The following USP6 variants were observed in gnomAD, a reference collection of about 807,000 sequenced individuals.
The protein encoded by USP6 is ubiquitin carboxyl-terminal hydrolase 6.
USP6 carries 128 observed loss-of-function variants against 175.7 expected under a neutral mutation model. The ratio of observed to expected loss-of-function variants is 0.73; its 90% CI spans 0.63 to 0.84. USP6 has a LOEUF of 0.84. USP6 is among the 40% of genes least tolerant of loss of function. USP6 has a pLI of 0.00. For synonymous variants in USP6, 562 were observed against 630.6 expected (o/e 0.89, Z 1.63); for missense variants, 1,498 against 1,760.3 (o/e 0.85, Z 2.67).
chr17:5,123,743 A>C (rs1176029241), intron 4 of USP6, among the ~76,000 whole-genome samples: 2 of 152,162 alleles, frequency 1.3e-5, no homozygotes, highest in East Asian at 3.9e-4. Context: ...AGGACAATGC[A>C]AGTGCACGCA....
intron 5 of USP6, among the ~76,000 whole-genome samples, 155 bp from the exon 6 acceptor site, chr17:5,125,666 A>ACACT (rs1361129149): frequency 7.4e-6 from 1 of 134,692 alleles, no homozygotes; most frequent in Admixed American, 8.3e-5. Flanking sequence ...AAACACGCAC[A>ACACT]CACACGCACA....
chr17:5,116,423 T>G lies in USP6; in HGVS notation c.-2245T>G, dbSNP rs906553186. The G allele has an allele frequency of 6.7e-6, 1 of 149,342 alleles. No individual in the cohort carries two copies. The highest frequency in any genetic ancestry group is 2.4e-5 in the African/African-American group (1 of 41,216). The allele number at this position is 149,342 out of a possible 1,614,324, so 9.3% of individuals were successfully genotyped here. A position where few individuals can be genotyped will look rare whatever the true frequency, so the allele number is the denominator to read the frequency against. On this transcript the variant is annotated 5_prime_UTR_variant, in exon 1 of 38. Coordinates refer to ENST00000574788, the MANE Select transcript of USP6 (RefSeq NM_001304284.2). ...AGCCGCTGGGGGAGAGGGGAAACAC[T>G]TCTGGCCCATGTGAGCCGCCGTCTC...
intron 17 of USP6, 85 bp downstream of exon 17, chr17:5,136,013 G>C (rs1470990187): frequency 1.3e-6 from 2 of 1,588,468 alleles, no homozygotes. Flanking sequence ...TTCAGCCAAG[G>C]CACACTCCTT....
At chr17:5,117,019 G>A (rs2072553154) in intron 1 of USP6, among the ~76,000 whole-genome samples, 1 of 152,126 alleles carries the variant, frequency 6.6e-6, no homozygotes, top group Non-Finnish European at 1.5e-5. Flanking sequence ...AGGAAGGAAA[G>A]GTAAGTACTT....
Position 5,144,871 on chromosome 17 carries a change from A to G in USP6, c.1992+8A>G. 1 of 1,585,056 alleles carries G rather than the reference A, an allele frequency of 6.3e-7. No homozygotes were observed. The highest frequency in any genetic ancestry group is 8.6e-7 in the Non-Finnish European group (1 of 1,160,576). ...TGGGAAGTAGCTGCAGAGGTTTGTC[A>G]GTTTTGAGTTTCTAATGTAAGCAAT... On this transcript the variant is annotated splice_region_variant and intron_variant, in intron 26 of 37. Coordinates refer to ENST00000574788, the MANE Select transcript of USP6 (RefSeq NM_001304284.2).
chr17:5,119,264 T>C (rs2072599025), intron 2 of USP6, among the ~76,000 whole-genome samples: 1 of 152,232 alleles, frequency 6.6e-6, no homozygotes, highest in Non-Finnish European at 1.5e-5. Flanking sequence ...TTTAGGCTCT[T>C]TTCTCAAAGT....
intron 6 of USP6, among the ~76,000 whole-genome samples, chr17:5,127,162 T>C (rs1364427069): frequency 4.3e-5 from 6 of 141,056 alleles, no homozygotes; most frequent in Non-Finnish European, 9.3e-5. Context: ...CCTCCACCCC[T>C]AGGCTGTCCA....
At chr17:5,157,756 G>A (rs534464487) in intron 31 of USP6, among the ~76,000 whole-genome samples, 3 of 152,168 alleles carry the variant, frequency 2.0e-5, no homozygotes, top group Admixed American at 6.6e-5. Context: ...TCAGCCTCCC[G>A]AGTAGCTGGG....
At chr17:5,138,934 C>T (rs1342716068) in intron 21 of USP6, 2 of 1,289,244 alleles carry the variant, frequency 1.6e-6, no homozygotes, top group Non-Finnish European at 2.1e-6. Context: ...ATCCAAGGCC[C>T]CTCCCACTTG....
intron 13 of USP6, 62 bp downstream of exon 13, chr17:5,133,052 A>G: frequency 1.3e-6 from 2 of 1,572,594 alleles, no homozygotes; most frequent in Non-Finnish European, 1.7e-6. Flanking sequence ...ACAGGCACCC[A>G]TGGCTGTGGC....
chr17:5,144,929 C>G lies in USP6; in HGVS notation c.1992+66C>G, dbSNP rs574729625. 31 of 1,499,770 alleles carry G rather than the reference C, an allele frequency of 2.1e-5. No homozygotes were observed. The South Asian group carries it at 4.1e-4, about 20-fold the overall frequency. The allele number at this position is 1,499,770 out of a possible 1,614,324, so 92.9% of individuals were successfully genotyped here. On this transcript the variant is annotated intron_variant, in intron 26 of 37. Coordinates refer to ENST00000574788, the MANE Select transcript of USP6 (RefSeq NM_001304284.2). ...ATGTTCTGACCACAAATACATGTAG[C>G]ACAACTTAAATGCAAACTAAACTAT...
Position 5,148,578 on chromosome 17 carries a change from A to G in USP6, c.2454A>G (p.Thr818=). 1 of 1,614,000 alleles carries G rather than the reference A, an allele frequency of 6.2e-7. No homozygotes were observed. The highest frequency in any genetic ancestry group is 8.5e-7 in the Non-Finnish European group (1 of 1,179,864). The change falls in exon 30 of 38, where the codon ACA becomes ACG. Residue 818 remains threonine (T), a synonymous_variant. Coordinates refer to ENST00000574788, the MANE Select transcript of USP6 (RefSeq NM_001304284.2). ...TAGATTTCTCCTCTTCACCATCTAC[A>G]AATGGAATGTTCACCCTAACTACCA... The part of the protein sequence containing the change: ...TQIDFSSSPS[T]NGMFTLTTNG...
Position 5,137,157 on chromosome 17 carries a change from G to A in USP6, c.796G>A (p.Gly266Ser). Reference protein sequence around the residue: ...EGLCGQCASLGCLLRNLIDGI... With the variant: ...EGLCGQCASLSCLLRNLIDGI... ...TCTATGCGGGCAGTGTGCCTCGTTA[G>A]GCTGCCTTCTCCGGAACCTGATTGA... The change falls in exon 19 of 38, where the codon GGC becomes AGC. Residue 266 changes from glycine to serine, a missense_variant. Gly to Ser is a moderately conservative substitution (Grantham distance 56). Coordinates refer to ENST00000574788, the MANE Select transcript of USP6 (RefSeq NM_001304284.2). The A allele has an allele frequency of 1.2e-6, 2 of 1,613,498 alleles. No homozygotes were observed. The highest frequency in any genetic ancestry group is 1.7e-6 in the Non-Finnish European group (2 of 1,179,622).
chr17:5,156,303 CT>C lies in USP6; in HGVS notation c.2828+709del, dbSNP rs754026803. Among the ~76,000 whole-genome samples the C allele has an allele frequency of 3.1e-3, 454 of 144,600 alleles. 1 individual carries two copies. The highest frequency in any genetic ancestry group is 7.7e-3 in the African/African-American group (306 of 39,798). 94.9% of individuals were successfully genotyped at this position (144,600 alleles called of 152,430 possible). A position where few individuals can be genotyped will look rare whatever the true frequency, so the allele number is the denominator to read the frequency against. ...ATCAAATTGTAGATCATTTTCTTTT[CT>C]TTTTTTTTTTTCTTTTCTTTATGAC... On this transcript the variant is annotated intron_variant, in intron 31 of 37. Coordinates refer to ENST00000574788, the MANE Select transcript of USP6 (RefSeq NM_001304284.2).
chr17:5,134,839 G>C, intron 15 of USP6: 1 of 314,024 alleles, frequency 3.2e-6, no homozygotes, highest in Non-Finnish European at 6.1e-6. Flanking sequence ...CTGACGGATC[G>C]GGGAGAGGCT....
At position 5,139,515 on chromosome 17, in the gene USP6, A is replaced by G. The variant is rs2073376385; in HGVS notation, c.1339A>G (p.Arg447Gly). Residue 447 changes from arginine (R) to glycine (G), a missense_variant, in exon 22 of 38, where the codon AGA becomes GGA. Physicochemically the swap from Arg to Gly is moderately radical, Grantham distance 125. Around this residue, in one of 2 missense-constraint regions of USP6, gnomAD observed 1,217 missense variants for 1,500.8 expected, o/e 0.81. Coordinates refer to ENST00000574788, the MANE Select transcript of USP6 (RefSeq NM_001304284.2). ...LAQGGPQGSW[R>G]FLEWKSMPRL... ...TCAGGGAGGACCTCAGGGTTCCTGG[A>G]GATTCCTGGAGTGGAAGTCAATGCC... 2 of 1,613,714 alleles carry G rather than the reference A, an allele frequency of 1.2e-6. No individual in the cohort carries two copies. Among genetic ancestry groups the G allele is most frequent in the Admixed American group, 1.7e-5 (1 of 60,028 alleles).
In USP6 at chr17:5,142,035, A is replaced by G; in HGVS notation, c.1606A>G (p.Asn536Asp). 1 of 1,613,862 alleles carries G rather than the reference A, an allele frequency of 6.2e-7. No homozygotes were observed. Among genetic ancestry groups the G allele is most frequent in the Non-Finnish European group, 8.5e-7 (1 of 1,179,816 alleles). The change falls in exon 24 of 38, where the codon AAC (asparagine) becomes GAC (aspartate). Residue 536 changes from asparagine (N) to aspartate (D), a missense_variant. Asn to Asp is a conservative substitution (Grantham distance 23). Coordinates refer to ENST00000574788, the MANE Select transcript of USP6 (RefSeq NM_001304284.2). ...PTEKGATGLSNLGNTCFMNSS... is the reference protein window; with the variant it reads ...PTEKGATGLSDLGNTCFMNSS... The stretch of plus-strand genomic sequence containing the variant: ...AGAAAAGGGAGCCACAGGTCTAAGC[A>G]ACCTGGGAAACACATGCTTCATGAA...
At chr17:5,123,905 GCACACACACACA>G (rs894951754) in intron 4 of USP6, among the ~76,000 whole-genome samples, 11 of 141,594 alleles carry the variant, frequency 7.8e-5, no homozygotes, top group South Asian at 4.3e-4. Context: ...ACGCACGTGC[GCACACACACACA>G]CGCACACACA....
intron 22 of USP6, among the ~76,000 whole-genome samples, chr17:5,140,510 A>G (rs1474205744): frequency 6.6e-6 from 1 of 152,128 alleles, no homozygotes; most frequent in African/African-American, 2.4e-5. Flanking sequence ...GAGTTCCAAG[A>G]AGCAGTGAGC....
Sources: allele counts gnomAD v4.1 joint callset (sites outside exome capture counted in the v4.1 genomes callset), GRCh38; gene constraint gnomAD v4.1.1; regional missense constraint gnomAD v4.1.1; transcripts MANE v1.5; gene names NCBI Gene and HGNC (gene_info 2026-07-23, HGNC 2026-07-21).